GRM8: variants seen among roughly 807,000 people sequenced by gnomAD.
GRM8 encodes glutamate metabotropic receptor 8.
In GRM8, 47 loss-of-function variants were observed where a neutral mutation model predicts 87.2. The observed-to-expected ratio is 0.54, with a 90% confidence interval of 0.43 to 0.69. The LOEUF (loss-of-function observed/expected upper bound fraction) is 0.69, where lower values mean the gene tolerates loss of function less well. Among genes scored for constraint, GRM8 ranks in the 30% least tolerant of loss-of-function variants. The probability of loss-of-function intolerance (pLI) is 0.00; values close to 1 mark genes in which losing one functional copy is unlikely to be tolerated. For synonymous variants in GRM8, 396 were observed against 404.5 expected, an observed-to-expected ratio of 0.98 and a Z score of 0.25; for missense variants, 1,019 against 1,139.2, an observed-to-expected ratio of 0.89 and a Z score of 1.52.
chr7:127,054,372 T>C (rs1033814908), intron 3 of GRM8, among the ~76,000 whole-genome samples: 3 of 152,216 alleles, frequency 2.0e-5, no homozygotes, highest in African/African-American at 7.2e-5. Context: ...AATGACTGAC[T>C]TTGGAAATTA....
intron 6 of GRM8, among the ~76,000 whole-genome samples, chr7:126,863,530 C>T (rs1586235938): frequency 6.6e-6 from 1 of 152,106 alleles, no homozygotes; most frequent in Non-Finnish European, 1.5e-5. Context: ...AGCTGGCAAG[C>T]GGCAGTGCTA....
chr7:126,575,618 G>C (rs79513648), intron 8 of GRM8, among the ~76,000 whole-genome samples: 1 of 151,834 alleles, frequency 6.6e-6, no homozygotes, highest in African/African-American at 2.4e-5. Flanking sequence ...TGAACTTAAG[G>C]TAAGAAAAAA....
intron 6 of GRM8, among the ~76,000 whole-genome samples, chr7:126,854,675 T>C (rs1797518158): frequency 6.6e-6 from 1 of 152,232 alleles, no homozygotes; most frequent in African/African-American, 2.4e-5. Context: ...TCTTATTTTG[T>C]CTTCCTTAGC....
At chr7:126,991,837 C>T (rs1812687919) in intron 3 of GRM8, among the ~76,000 whole-genome samples, 1 of 152,144 alleles carries the variant, frequency 6.6e-6, no homozygotes, top group Non-Finnish European at 1.5e-5. Context: ...GTAGGAATTT[C>T]TCTCATGGCC....
At chr7:126,898,810 G>C (rs989928366) in intron 6 of GRM8, among the ~76,000 whole-genome samples, 1 of 152,074 alleles carries the variant, frequency 6.6e-6, no homozygotes, top group Non-Finnish European at 1.5e-5. Context: ...TGTGCAGAAC[G>C]TGCAGGTTTG....
intron 7 of GRM8, among the ~76,000 whole-genome samples, chr7:126,727,704 T>TACACACAC (rs3038844): frequency 0.022 from 3,094 of 141,832 alleles, 106 homozygotes; most frequent in African/African-American, 0.074. Flanking sequence ...TCTGAAATCA[T>TACACACAC]ACACACACAC....
chr7:127,033,122 T>C (rs982690369), intron 3 of GRM8, among the ~76,000 whole-genome samples: 1 of 151,846 alleles, frequency 6.6e-6, no homozygotes, highest in South Asian at 2.1e-4. Context: ...TTTATTTTTT[T>C]AACTCAATTT....
chr7:126,954,713 A>G (rs1356892843), intron 3 of GRM8, among the ~76,000 whole-genome samples: 1 of 152,176 alleles, frequency 6.6e-6, no homozygotes, highest in Non-Finnish European at 1.5e-5. Context: ...ACTTTCTCAT[A>G]GAGTGGTTGT....
intron 7 of GRM8, among the ~76,000 whole-genome samples, chr7:126,738,413 G>T (rs1039055770): frequency 3.3e-5 from 5 of 152,004 alleles, no homozygotes; most frequent in Admixed American, 6.6e-5. Context: ...TTTCATTACC[G>T]GTGAAATACT....
rs187471298 is a variant in GRM8, at chr7:127,247,516, T to A, written c.-311-4001A>T. ...TGCTCACACTTGCAGCTCTTTTGGT[T>A]GTTTTGAAAATGCATCGTATTTCTG... On this transcript the variant is annotated intron_variant, in intron 1 of 10. Transcript: ENST00000339582. Among the ~76,000 whole-genome samples, 78 of 152,288 alleles carry A rather than the reference T, an allele frequency of 5.1e-4. 1 individual carries two copies. The highest frequency in any genetic ancestry group is 1.0e-3 in the Non-Finnish European group (68 of 68,030).
intron 6 of GRM8, among the ~76,000 whole-genome samples, chr7:126,788,864 T>A (rs2151666230): frequency 6.6e-6 from 1 of 152,120 alleles, no homozygotes; most frequent in East Asian, 1.9e-4. Flanking sequence ...AAATTCAGCC[T>A]TAATGAAAGA....
intron 8 of GRM8, among the ~76,000 whole-genome samples, chr7:126,608,778 T>G (rs922795120): frequency 1.9e-4 from 29 of 149,110 alleles, no homozygotes; most frequent in African/African-American, 6.6e-4. Flanking sequence ...TTTTTTTTTT[T>G]CTTGAGACGG....
intron 7 of GRM8, among the ~76,000 whole-genome samples, chr7:126,732,845 A>G (rs1301331158): frequency 1.3e-5 from 2 of 152,172 alleles, no homozygotes; most frequent in South Asian, 4.1e-4. Flanking sequence ...GAATAAAAAA[A>G]TCCTGTTTAG....
At chr7:127,218,121 C>T (rs1365499662) in intron 2 of GRM8, among the ~76,000 whole-genome samples, 1 of 152,208 alleles carries the variant, frequency 6.6e-6, no homozygotes, top group Non-Finnish European at 1.5e-5. Flanking sequence ...AGGAGAGAAC[C>T]ACTACCTCTT....
chr7:126,915,438 A>G (rs1436954192), intron 3 of GRM8, among the ~76,000 whole-genome samples: 1 of 152,234 alleles, frequency 6.6e-6, no homozygotes, highest in East Asian at 1.9e-4. Context: ...CACCTGCATT[A>G]TTTCTAGAAA....
chr7:127,055,763 G>A (rs1037489505), intron 3 of GRM8, among the ~76,000 whole-genome samples: 1 of 151,894 alleles, frequency 6.6e-6, no homozygotes, highest in Non-Finnish European at 1.5e-5. Context: ...TGTTTCAAAT[G>A]TGTAACAATG....
Position 126,479,898 on chromosome 7 carries a change from A to G in GRM8, c.2431-33526T>C, listed in dbSNP as rs534899337. On this transcript the variant is annotated intron_variant, in intron 9 of 10. Coordinates refer to ENST00000339582, the MANE Select transcript of GRM8 (RefSeq NM_000845.3). The stretch of plus-strand genomic sequence containing the variant: ...CAATATACAAGGTTCCAATTTCTCC[A>G]CACTTTTAAACACTTGTTGTCTATC... Among the ~76,000 whole-genome samples the G allele has an allele frequency of 9.5e-4, 144 of 152,170 alleles. 4 individuals are homozygous for G. The South Asian group carries it at 0.028, about 30-fold the overall frequency.
At chr7:126,691,609 T>C (rs117632703) in intron 7 of GRM8, among the ~76,000 whole-genome samples, 2,755 of 152,296 alleles carry the variant, frequency 0.018, 43 homozygotes, top group Non-Finnish European at 0.028. Flanking sequence ...GTTGCTGTTA[T>C]CATTAGAGCT....
chr7:126,561,611 T>A (rs1282044574), intron 8 of GRM8, among the ~76,000 whole-genome samples: 1 of 151,782 alleles, frequency 6.6e-6, no homozygotes, highest in African/African-American at 2.4e-5. Flanking sequence ...TTTTATTTAT[T>A]TTTTTATTAT....
Sources: gnomAD v4.1 joint callset for allele counts (sites outside exome capture counted in the v4.1 genomes callset) on GRCh38, gnomAD v4.1.1 for gene constraint, MANE v1.5 for transcripts, NCBI Gene and HGNC (gene_info 2026-07-23, HGNC 2026-07-21) for gene names.